ATL1: variants seen among roughly 807,000 people sequenced by gnomAD.
ATL1 encodes the protein atlastin-1.
A neutral mutation model predicts 75.5 loss-of-function variants in ATL1; 31 were observed. That is an observed-to-expected ratio of 0.41 (90% CI 0.31 to 0.55). The LOEUF (loss-of-function observed/expected upper bound fraction) is 0.55. Ranked by LOEUF, ATL1 falls within the 20% of genes least tolerant of loss-of-function variation. The pLI is 0.27. For missense variants in ATL1, 405 were observed against 662.6 expected, an observed-to-expected ratio of 0.61 and a Z score of 4.27; for synonymous variants, 226 against 233.3, an observed-to-expected ratio of 0.97 and a Z score of 0.28.
At chr14:50,589,704 T>G (rs181090626) in intron 2 of ATL1, among the ~76,000 whole-genome samples, 41 of 152,270 alleles carry the variant, frequency 2.7e-4, no homozygotes, top group Non-Finnish European at 1.5e-5. Flanking sequence ...TAAGATTGAA[T>G]AGGTTATTGA....
At chr14:50,596,556 T>C (rs568526991) in intron 6 of ATL1, among the ~76,000 whole-genome samples, 2 of 152,332 alleles carry the variant, frequency 1.3e-5, no homozygotes, top group South Asian at 4.1e-4. Flanking sequence ...AAGGTGTATG[T>C]ACAAAAGTTT....
intron 6 of ATL1, among the ~76,000 whole-genome samples, chr14:50,598,083 A>G (rs1245463786): frequency 1.3e-5 from 2 of 152,204 alleles, no homozygotes; most frequent in Non-Finnish European, 2.9e-5. Flanking sequence ...CAAAACAAAA[A>G]TCTTTAGTAA....
intron 6 of ATL1, 21 bp downstream of exon 6, chr14:50,595,653 G>A (rs1364305215): frequency 1.2e-5 from 19 of 1,610,372 alleles, no homozygotes; most frequent in East Asian, 2.2e-5. Context: ...GTTAAATGAT[G>A]GTAAATTCTT....
chr14:50,547,472 A>G (rs2038648085), intron 1 of ATL1, among the ~76,000 whole-genome samples: 1 of 152,222 alleles, frequency 6.6e-6, no homozygotes, highest in African/African-American at 2.4e-5. Flanking sequence ...TCAAGGAGCA[A>G]AAAGAATATG....
rs1259972803 is a variant in ATL1, at chr14:50,620,660, G to C, written c.924G>C (p.Glu308Asp). The C allele has an allele frequency of 1.2e-5, 19 of 1,613,694 alleles. No homozygotes were observed. The highest frequency in any genetic ancestry group is 1.6e-5 in the Non-Finnish European group (19 of 1,179,694). Reference protein sequence around the residue: ...KILIPWLLSPESLDIKEINGN... With the variant: ...KILIPWLLSPDSLDIKEINGN... The stretch of plus-strand genomic sequence containing the variant: ...TGATTCCTTGGCTACTTAGTCCCGA[G>C]AGCCTAGATATTAAAGAGATCAATG... The change falls in exon 9 of 14, where the codon GAG (glutamate) becomes GAC (aspartate). Residue 308 changes from glutamate (E) to aspartate (D), a missense_variant. Glu to Asp is a conservative substitution (Grantham distance 45). Around this residue, in one of 5 missense-constraint regions of ATL1, gnomAD observed 56 missense variants for 66.6 expected, o/e 0.84. Coordinates refer to ENST00000358385, the MANE Select transcript of ATL1 (RefSeq NM_015915.5).
chr14:50,544,111 T>G (rs148466855), intron 1 of ATL1, among the ~76,000 whole-genome samples: 1 of 152,336 alleles, frequency 6.6e-6, no homozygotes, highest in African/African-American at 2.4e-5. Context: ...AGGGTGTCTC[T>G]TAGTATTCAC....
chr14:50,555,483 CGT>C (rs2038754852), upstream of ATL1, among the ~76,000 whole-genome samples: 1 of 152,080 alleles, frequency 6.6e-6, no homozygotes, highest in African/African-American at 2.4e-5. Flanking sequence ...GGGGTTTCAC[CGT>C]GTTGCCCAGG....
intron 6 of ATL1, among the ~76,000 whole-genome samples, chr14:50,606,180 T>C (rs1018609666): frequency 6.6e-6 from 1 of 152,010 alleles, no homozygotes; most frequent in Non-Finnish European, 1.5e-5. Flanking sequence ...CTCAGTTTAT[T>C]ATTTGAAGCA....
rs1051318773 is a variant in ATL1 at position 50,595,508 on chromosome 14, G to A, written c.574-68G>A. ...GAAAGCCAAGAATTAAAACTTTGCA[G>A]GTGCTAAAGTTCTCTCTCTCTCTCT... On this transcript the variant is annotated intron_variant, in intron 5 of 13. Coordinates refer to ENST00000358385, the MANE Select transcript of ATL1 (RefSeq NM_015915.5). The A allele has an allele frequency of 4.1e-6, 6 of 1,462,768 alleles. No homozygotes were observed. The African/African-American group carries it at 8.8e-5, about 21-fold the overall frequency. The allele number at this position is 1,462,768 out of a possible 1,614,324, so 90.6% of individuals were successfully genotyped here.
rs77576520 is a variant in ATL1, at chr14:50,623,494, G to C, written c.1119+246G>C. The stretch of plus-strand genomic sequence containing the variant: ...TAATATATCCCTATTCACATATTTG[G>C]GGGGAGCGCCAGGTCTTTCCACTAT... On this transcript the variant is annotated intron_variant, in intron 11 of 13. Transcript: ENST00000358385. Among the ~76,000 whole-genome samples the C allele has an allele frequency of 3.3e-4, 50 of 151,480 alleles. No homozygotes were observed. In the East Asian group the frequency reaches 9.3e-3, roughly 28 times the overall value.
intron 13 of ATL1, 96 bp from the exon 14 acceptor site, chr14:50,632,133 T>C: frequency 1.4e-6 from 1 of 701,320 alleles, no homozygotes; most frequent in South Asian, 2.0e-5. Flanking sequence ...AAATTCAACA[T>C]GCTAAATTTT....
chr14:50,574,981 T>G (rs1286786406), intron 1 of ATL1, among the ~76,000 whole-genome samples: 1 of 113,202 alleles, frequency 8.8e-6, no homozygotes, highest in African/African-American at 3.6e-5. Context: ...ATATATTAGC[T>G]TTTACTAGTT....
rs1265254014 is a variant in ATL1 at position 50,621,833 on chromosome 14, T to C, written c.991-10T>C. On this transcript the variant is annotated splice_polypyrimidine_tract_variant and intron_variant, in intron 9 of 13. Transcript: ENST00000358385. ...ATTGCTTGAACATGAATCTTTTTCT[T>C]TTTTTTTAGGCTTATATAAAGATCT... is the stretch of plus-strand genomic sequence containing the variant. 7 of 1,544,370 alleles carry C rather than the reference T, an allele frequency of 4.5e-6. No homozygotes were observed. In the East Asian group the frequency reaches 9.0e-5, roughly 20 times the overall value.
At chr14:50,618,342 G>A (rs1196812585) in intron 8 of ATL1, among the ~76,000 whole-genome samples, 2 of 152,130 alleles carry the variant, frequency 1.3e-5, no homozygotes, top group African/African-American at 4.8e-5. Flanking sequence ...ACAAATATCA[G>A]TATTGTAGTC....
At chr14:50,542,377 G>A (rs913156455) in intron 1 of ATL1, 2 of 152,004 alleles carry the variant, frequency 1.3e-5, no homozygotes, top group African/African-American at 4.8e-5. Context: ...AGGTTGATAG[G>A]TGCAGCAAAC....
intron 6 of ATL1, among the ~76,000 whole-genome samples, chr14:50,602,782 G>A (rs1238416455): frequency 6.6e-6 from 1 of 152,106 alleles, no homozygotes; most frequent in East Asian, 1.9e-4. Flanking sequence ...TAGGCTGTAT[G>A]GCTCACAGAG....
Position 50,620,667 on chromosome 14 carries a change from G to A in ATL1, c.931G>A (p.Asp311Asn). The A allele has an allele frequency of 6.2e-7, 1 of 1,613,784 alleles. No homozygotes were observed. The highest frequency in any genetic ancestry group is 8.5e-7 in the Non-Finnish European group (1 of 1,179,772). The change falls in exon 9 of 14, where the codon GAT becomes AAT. Residue 311 changes from aspartate to asparagine, a missense_variant. By Grantham distance (23) the Asp-to-Asn change is conservative. This residue lies in a region of ATL1 where 56 missense variants were observed against 66.6 expected (regional missense o/e 0.84). Transcript: ENST00000358385. ...IPWLLSPESL[D>N]IKEINGNKIT... ...TTGGCTACTTAGTCCCGAGAGCCTA[G>A]ATATTAAAGAGATCAATGGGAATAA...
chr14:50,583,767 T>C (rs546540369), intron 1 of ATL1, among the ~76,000 whole-genome samples: 15 of 152,174 alleles, frequency 9.9e-5, no homozygotes, highest in Non-Finnish European at 1.5e-4. Context: ...GCTTGCCATA[T>C]TATATACAGT....
At chr14:50,588,893 A>T (rs2039127386) in intron 2 of ATL1, among the ~76,000 whole-genome samples, 1 of 152,204 alleles carries the variant, frequency 6.6e-6, no homozygotes, top group Non-Finnish European at 1.5e-5. Flanking sequence ...TCATTGAAGT[A>T]TGCATCCCAA....
Sources: gnomAD v4.1 joint callset for allele counts (sites outside exome capture counted in the v4.1 genomes callset) on GRCh38, gnomAD v4.1.1 for gene constraint, gnomAD v4.1.1 regional missense constraint, MANE v1.5 for transcripts, NCBI Gene and HGNC (gene_info 2026-07-23, HGNC 2026-07-21) for gene names.